The following RCC1L variants were observed in gnomAD, a reference collection of about 807,000 sequenced individuals.
The protein encoded by RCC1L is RCC1-like G exchanging factor-like protein.
In RCC1L, 46 loss-of-function variants were observed where a neutral mutation model predicts 58.6. The ratio of observed to expected loss-of-function variants is 0.79; its 90% CI spans 0.62 to 1.00. The LOEUF is 1.00. Ranked by LOEUF, RCC1L falls within the 50% of genes least tolerant of loss-of-function variation. The pLI is 0.00. For synonymous variants in RCC1L, 281 were observed against 262.9 expected (o/e 1.07, Z -0.67); for missense variants, 636 against 623.6 (o/e 1.02, Z -0.21).
At chr7:75,032,804 G>A (rs1805340576) in intron 10 of RCC1L, among the ~76,000 whole-genome samples, 1 of 152,248 alleles carries the variant, frequency 6.6e-6, no homozygotes, top group African/African-American at 2.4e-5. Flanking sequence ...GGGTGCGGTG[G>A]CTCACACCTG....
chr7:75,037,644 A>C (rs1805457948), downstream of RCC1L, among the ~76,000 whole-genome samples: 1 of 151,848 alleles, frequency 6.6e-6, no homozygotes, highest in Non-Finnish European at 1.5e-5. Flanking sequence ...AGCTGGGACT[A>C]CAGGCACGTG....
chr7:75,064,501 C>G, intron 4 of RCC1L, 81 bp downstream of exon 4: 4 of 1,537,562 alleles, frequency 2.6e-6, no homozygotes, highest in Non-Finnish European at 3.6e-6. Flanking sequence ...GACCGCCCCG[C>G]GGGTTTACCA....
chr7:75,067,295 T>C (rs1554445298), intron 2 of RCC1L, among the ~76,000 whole-genome samples: 4 of 141,618 alleles, frequency 2.8e-5, no homozygotes, highest in African/African-American at 1.1e-4. Flanking sequence ...GAGCGAGACT[T>C]CATCTGGAAA....
intron 2 of RCC1L, among the ~76,000 whole-genome samples, chr7:75,068,898 C>T (rs1554445611): frequency 6.6e-6 from 1 of 152,020 alleles, no homozygotes; most frequent in African/African-American, 2.4e-5. Context: ...GAGACGGAGT[C>T]TTGCCCTGTC....
intron 8 of RCC1L, 100 bp from the exon 9 acceptor site, chr7:75,056,174 GGTTTTTTTTT>G (rs1554443926): frequency 2.1e-6 from 3 of 1,417,818 alleles, no homozygotes; most frequent in African/African-American, 1.4e-5. Flanking sequence ...ACATCCACAC[GGTTTTTTTTT>G]GTTTTTTTTT....
At chr7:75,057,267 C>T (rs929255999) in intron 8 of RCC1L, among the ~76,000 whole-genome samples, 7 of 152,146 alleles carry the variant, frequency 4.6e-5, no homozygotes, top group African/African-American at 2.4e-5. Flanking sequence ...GCCACCACAC[C>T]CAGCCTTCCA....
intron 10 of RCC1L, among the ~76,000 whole-genome samples, chr7:75,052,492 G>C (rs995523428): frequency 2.6e-5 from 4 of 152,192 alleles, no homozygotes; most frequent in African/African-American, 9.7e-5. Context: ...ACTCCCCCAC[G>C]CATCACACCA....
At chr7:75,057,807 AC>A in intron 7 of RCC1L, 191 bp from the exon 8 acceptor site, 1 of 666,266 alleles carries the variant, frequency 1.5e-6, no homozygotes, top group Non-Finnish European at 2.8e-6. Flanking sequence ...CCCAGTTTCC[AC>A]CCTCAGAGAG....
downstream of RCC1L, among the ~76,000 whole-genome samples, chr7:75,037,996 G>T (rs1805465003): frequency 6.6e-6 from 1 of 152,228 alleles, no homozygotes; most frequent in African/African-American, 2.4e-5. Context: ...TGGTGCAGCA[G>T]GAGCGTCTCG....
chr7:75,042,919 A>T lies in RCC1L; in HGVS notation c.*113T>A. On this transcript the variant is annotated 3_prime_UTR_variant, in exon 11 of 11. Coordinates refer to ENST00000610322, the MANE Select transcript of RCC1L (RefSeq NM_030798.5). Reference sequence around the variant, plus strand: ...CAGGACAGAGCGTCACACTGCACGCAGGGTCCTCCGCCACCACCATCCAAG... The same window carrying T: ...CAGGACAGAGCGTCACACTGCACGCTGGGTCCTCCGCCACCACCATCCAAG... 6.4e-7 allele frequency: 1 copy of T among 1,569,962 alleles called. No homozygotes were observed. Among genetic ancestry groups the T allele is most frequent in the East Asian group, 2.3e-5 (1 of 43,748 alleles).
intron 10 of RCC1L, among the ~76,000 whole-genome samples, chr7:75,043,611 C>T (rs1190933910): frequency 6.6e-6 from 1 of 152,220 alleles, no homozygotes; most frequent in African/African-American, 2.4e-5. Context: ...CGCCCATAAT[C>T]TCAGCACTTT....
intron 1 of RCC1L, among the ~76,000 whole-genome samples, chr7:75,072,192 G>GAGAGAGAGAGAGA (rs1806785594): frequency 4.4e-4 from 28 of 63,254 alleles, no homozygotes; most frequent in Non-Finnish European, 9.3e-4. Flanking sequence ...ATATATATAT[G>GAGAGAGAGAGAGA]GAGAGAGAGA....
At chr7:75,043,590 G>A (rs1050519371) in intron 10 of RCC1L, among the ~76,000 whole-genome samples, 38 of 152,326 alleles carry the variant, frequency 2.5e-4, no homozygotes, top group Admixed American at 1.0e-3. Context: ...GGGGCTGGGC[G>A]CTGTAGCTCA....
At chr7:75,066,512 T>C (rs1314913717) in intron 3 of RCC1L, 152 bp downstream of exon 3, 1 of 933,728 alleles carries the variant, frequency 1.1e-6, no homozygotes, top group Non-Finnish European at 1.6e-6. Context: ...TCCAGCTGTC[T>C]TGAGCAATCC....
downstream of RCC1L, among the ~76,000 whole-genome samples, chr7:75,041,973 T>C (rs1367874880): frequency 6.6e-6 from 1 of 151,978 alleles, no homozygotes; most frequent in Non-Finnish European, 1.5e-5. Context: ...ATCCTAGCAC[T>C]CTGGGAGGCC....
chr7:75,052,792 T>C lies in RCC1L; in HGVS notation c.1236A>G (p.Lys412=). ...TCTTGCCCCATACAAACAGCTCTCC[T>C]TTGTCTGCAAAGGGAGGAAAACAGG... ...GLSHFAALTN[K]GELFVWGKNI... is the part of the protein sequence containing the mutation. The change falls in exon 10 of 11, where the codon AAA becomes AAG. Residue 412 remains lysine, a synonymous_variant. Coordinates refer to ENST00000610322, the MANE Select transcript of RCC1L (RefSeq NM_030798.5). 1 of 1,612,712 alleles carries C rather than the reference T, an allele frequency of 6.2e-7. No individual in the cohort carries two copies. The highest frequency in any genetic ancestry group is 8.5e-7 in the Non-Finnish European group (1 of 1,179,512).
rs587625535 is a variant in RCC1L at position 75,055,302 on chromosome 7, T to A, written c.1231+599A>T. Among the ~76,000 whole-genome samples, 9 of 152,276 alleles carry A rather than the reference T, an allele frequency of 5.9e-5. No individual in the cohort carries two copies. The South Asian group carries it at 1.9e-3, about 32-fold the overall frequency. On this transcript the variant is annotated intron_variant, in intron 9 of 10. Coordinates refer to ENST00000610322, the MANE Select transcript of RCC1L (RefSeq NM_030798.5). The stretch of plus-strand genomic sequence containing the variant: ...TGTAACCAAGAAAAGGACACATTCC[T>A]TACCCTTACCCTGCAGGGTAAGCGG...
intron 10 of RCC1L, among the ~76,000 whole-genome samples, chr7:75,048,252 G>C (rs1805801572): frequency 8.2e-6 from 1 of 121,826 alleles, no homozygotes; most frequent in South Asian, 2.7e-4. Context: ...GGGTGACAAA[G>C]CAGGACATCG....
At chr7:75,060,571 C>T (rs1806243124) in intron 6 of RCC1L, among the ~76,000 whole-genome samples, 1 of 152,240 alleles carries the variant, frequency 6.6e-6, no homozygotes, top group African/African-American at 2.4e-5. Flanking sequence ...GCTGGGATTA[C>T]AGCCGTGTGC....
Sources: gnomAD v4.1 joint callset for allele counts (sites outside exome capture counted in the v4.1 genomes callset) on GRCh38, gnomAD v4.1.1 for gene constraint, MANE v1.5 for transcripts, NCBI Gene and HGNC (gene_info 2026-07-23, HGNC 2026-07-21) for gene names.